Variants in DOCK4 observed in about 807,000 individuals in gnomAD.
DOCK4 encodes the protein dedicator of cytokinesis 4.
DOCK4 carries 97 observed loss-of-function variants against 268.1 expected under a neutral mutation model. That is an observed-to-expected ratio of 0.36 (90% CI 0.31 to 0.43). The LOEUF is 0.43. DOCK4 is among the 20% of genes least tolerant of loss of function. The pLI is 1.00. For missense variants in DOCK4, 2,145 were observed against 2,455.7 expected (o/e 0.87, Z 2.67); for synonymous variants, 954 against 887.2 (o/e 1.08, Z -1.34).
At position 111,868,090 on chromosome 7, in the gene DOCK4, C is replaced by T. The variant is rs1177349222; in HGVS notation, c.2174G>A (p.Gly725Glu). The change falls in exon 22 of 53, where the codon GGG becomes GAG. Residue 725 changes from glycine (G) to glutamate (E), a missense_variant. Coordinates refer to ENST00000428084, the MANE Select transcript of DOCK4 (RefSeq NM_001363540.2). ...SRRLFSLATGGQNEEEFRCCI... is the reference protein window; with the variant it reads ...SRRLFSLATGEQNEEEFRCCI... ...GCAGCGGAACTCCTCTTCGTTTTGC[C>T]CACCAGTGGCAAGGGAAAACAGCCT... The T allele has an allele frequency of 1.2e-6, 2 of 1,613,306 alleles. No individual in the cohort carries two copies. Among genetic ancestry groups the T allele is most frequent in the Non-Finnish European group, 1.7e-6 (2 of 1,179,636 alleles).
chr7:111,734,921 G>C, intron 51 of DOCK4, 133 bp downstream of exon 51: 1 of 697,934 alleles, frequency 1.4e-6, no homozygotes. Flanking sequence ...AATTGTCAAG[G>C]AATTATGCAG....
At chr7:111,771,914 TCTTTTGTGTCTCTGTCAG>T (rs1798148140) in intron 36 of DOCK4, among the ~76,000 whole-genome samples, 1 of 152,180 alleles carries the variant, frequency 6.6e-6, no homozygotes, top group Non-Finnish European at 1.5e-5. Context: ...CACTCAAATT[TCTTTTGTGTCTCTGTCAG>T]CATGTGACTA....
intron 1 of DOCK4, among the ~76,000 whole-genome samples, chr7:112,077,139 T>G (rs1284177997): frequency 3.3e-5 from 5 of 152,066 alleles, no homozygotes; most frequent in Non-Finnish European, 4.4e-5. Flanking sequence ...TAGTCAGAAA[T>G]TCAAAACCCT....
At chr7:111,935,320 T>C in intron 12 of DOCK4, 1 of 582,004 alleles carries the variant, frequency 1.7e-6, no homozygotes, top group Non-Finnish European at 3.1e-6. Context: ...ATTATCTTTT[T>C]CGTTTCAACA....
intron 7 of DOCK4, 144 bp from the exon 8 acceptor site, chr7:111,977,427 A>G: frequency 1.3e-6 from 1 of 798,628 alleles, no homozygotes; most frequent in Non-Finnish European, 1.9e-6. Flanking sequence ...CTAAATCCAC[A>G]GCAAAATATA....
intron 5 of DOCK4, among the ~76,000 whole-genome samples, chr7:111,991,692 T>G (rs1799538027): frequency 6.7e-6 from 1 of 149,372 alleles, no homozygotes; most frequent in African/African-American, 2.5e-5. Flanking sequence ...CTGGGCGAGG[T>G]GGCTCATGCC....
rs368401224 is a variant in DOCK4, at chr7:111,924,526, T to C, written c.1067-8622A>G. 8.5e-5 allele frequency among the ~76,000 whole-genome samples: 13 copies of C among 152,300 alleles called. No homozygotes were observed. The East Asian group carries it at 1.2e-3, about 14-fold the overall frequency. ...CAGGCAGGAAGGAGAAAATGAGATG[T>C]GATATAAGTTTCACCAACTCTCTTG... On this transcript the variant is annotated intron_variant, in intron 12 of 52. Transcript: ENST00000428084.
intron 30 of DOCK4, chr7:111,801,874 T>TTC (rs1800322175): frequency 6.8e-6 from 1 of 147,604 alleles, no homozygotes; most frequent in African/African-American, 2.6e-5. Flanking sequence ...TTTTTTTTTT[T>TTC]GTATTTTTAG....
chr7:112,023,295 T>C (rs1802498086), intron 1 of DOCK4, among the ~76,000 whole-genome samples: 2 of 152,292 alleles, frequency 1.3e-5, no homozygotes, highest in East Asian at 1.9e-4. Flanking sequence ...GAGGGAAGCA[T>C]GTGTAGGGAG....
At chr7:112,170,843 G>T (rs1818023535) in intron 1 of DOCK4, among the ~76,000 whole-genome samples, 1 of 152,102 alleles carries the variant, frequency 6.6e-6, no homozygotes, top group Non-Finnish European at 1.5e-5. Context: ...TCAGAGAATA[G>T]TATACACTCA....
intron 1 of DOCK4, among the ~76,000 whole-genome samples, chr7:112,132,460 T>C (rs78135136): frequency 0.013 from 2,035 of 152,172 alleles, 29 homozygotes; most frequent in Non-Finnish European, 0.019. Flanking sequence ...AAGGATGCAA[T>C]GTTAAAAATA....
chr7:111,912,040 C>G (rs559589645), intron 13 of DOCK4, among the ~76,000 whole-genome samples: 1 of 152,186 alleles, frequency 6.6e-6, no homozygotes, highest in Non-Finnish European at 1.5e-5. Flanking sequence ...TAGGTCAGGT[C>G]ATCTGAGGAA....
intron 12 of DOCK4, among the ~76,000 whole-genome samples, chr7:111,926,572 GGGCGGGCAA>G (rs1348084316): frequency 7.6e-6 from 1 of 131,900 alleles, no homozygotes; most frequent in South Asian, 2.4e-4. Flanking sequence ...GAAGCAGGGC[GGGCGGGCAA>G]GGCGGGCAAG....
chr7:111,937,030 A>C (rs2134732068), intron 11 of DOCK4, among the ~76,000 whole-genome samples: 1 of 152,318 alleles, frequency 6.6e-6, no homozygotes, highest in Non-Finnish European at 1.5e-5. Context: ...GTGGGGAAGA[A>C]AGAAAGATGG....
chr7:111,886,481 C>G (rs1807856384), intron 16 of DOCK4, among the ~76,000 whole-genome samples: 1 of 152,094 alleles, frequency 6.6e-6, no homozygotes, highest in African/African-American at 2.4e-5. Context: ...GGATAAAGAC[C>G]ACTAGAAACC....
At chr7:111,767,158 A>T in intron 37 of DOCK4, 40 bp from the exon 38 acceptor site, 2 of 1,552,878 alleles carry the variant, frequency 1.3e-6, no homozygotes, top group Non-Finnish European at 1.8e-6. Context: ...CCATCTGACA[A>T]TATCCACTTA....
intron 13 of DOCK4, among the ~76,000 whole-genome samples, chr7:111,904,715 T>C (rs1791417303): frequency 6.6e-6 from 1 of 152,148 alleles, no homozygotes; most frequent in African/African-American, 2.4e-5. Flanking sequence ...GCTACTGCTA[T>C]GGTGTGTGAC....
intron 12 of DOCK4, among the ~76,000 whole-genome samples, chr7:111,929,376 G>GA (rs200674131): frequency 0.011 from 1,722 of 150,046 alleles, 17 homozygotes; most frequent in Non-Finnish European, 0.02. Flanking sequence ...CAAATTAGTT[G>GA]AAAAAAAAAC....
At chr7:111,788,183 T>C (rs1225407110) in intron 32 of DOCK4, among the ~76,000 whole-genome samples, 1 of 152,214 alleles carries the variant, frequency 6.6e-6, no homozygotes, top group East Asian at 1.9e-4. Flanking sequence ...TAGGAAGCAA[T>C]TAATGCTGAG....
Sources: allele counts gnomAD v4.1 joint callset (sites outside exome capture counted in the v4.1 genomes callset), GRCh38; gene constraint gnomAD v4.1.1; transcripts MANE v1.5; gene names NCBI Gene and HGNC (gene_info 2026-07-23, HGNC 2026-07-21).